The following PDLIM5 variants were observed in gnomAD, a reference collection of about 807,000 sequenced individuals.
PDLIM5 encodes the protein PDZ and LIM domain protein 5.
PDLIM5 carries 34 observed loss-of-function variants against 64.2 expected under a neutral mutation model. The ratio of observed to expected loss-of-function variants is 0.53; its 90% confidence interval spans 0.40 to 0.71. The LOEUF (loss-of-function observed/expected upper bound fraction) is 0.71. Ranked by LOEUF, PDLIM5 falls within the 30% of genes least tolerant of loss-of-function variation. PDLIM5 has a pLI of 0.00. For synonymous variants in PDLIM5, 253 were observed against 269.1 expected (o/e 0.94, Z 0.59); for missense variants, 683 against 733.6 (o/e 0.93, Z 0.80).
At chr4:94,591,665 A>C (rs904351547) in intron 7 of PDLIM5, among the ~76,000 whole-genome samples, 3 of 152,236 alleles carry the variant, frequency 2.0e-5, no homozygotes, top group African/African-American at 7.2e-5. Flanking sequence ...ACCAACTTGG[A>C]GGGACCATTC....
intron 2 of PDLIM5, among the ~76,000 whole-genome samples, chr4:94,521,045 C>T (rs1729781316): frequency 6.6e-6 from 1 of 152,116 alleles, no homozygotes; most frequent in African/African-American, 2.4e-5. Flanking sequence ...ATTCAAGGCT[C>T]TTGGAGAAGA....
chr4:94,559,740 A>G (rs754752256), intron 3 of PDLIM5, among the ~76,000 whole-genome samples: 1 of 152,194 alleles, frequency 6.6e-6, no homozygotes, highest in Non-Finnish European at 1.5e-5. Context: ...GGTGTGGTCT[A>G]TGAATGCAGC....
At chr4:94,468,151 C>T (rs144658911) in intron 2 of PDLIM5, among the ~76,000 whole-genome samples, 10 of 151,796 alleles carry the variant, frequency 6.6e-5, no homozygotes, top group African/African-American at 2.2e-4. Flanking sequence ...CACTTTTTTC[C>T]CTCTATGCAC....
chr4:94,582,776 T>A (rs374128949), intron 5 of PDLIM5: 21 of 1,294,686 alleles, frequency 1.6e-5, no homozygotes, highest in Non-Finnish European at 2.2e-5. Context: ...TCTCTGTAAC[T>A]TTCCTTCTTG....
chr4:94,506,309 T>A (rs1471052354), intron 2 of PDLIM5, among the ~76,000 whole-genome samples: 1 of 152,240 alleles, frequency 6.6e-6, no homozygotes, highest in Non-Finnish European at 1.5e-5. Context: ...GAATTGCACG[T>A]AATGTTCTTG....
chr4:94,552,544 T>C (rs1348860195), intron 3 of PDLIM5, among the ~76,000 whole-genome samples: 1 of 152,140 alleles, frequency 6.6e-6, no homozygotes, highest in Non-Finnish European at 1.5e-5. Context: ...AGAGGCTGCA[T>C]TAAAATTAAT....
intron 5 of PDLIM5, chr4:94,582,779 C>T: frequency 1.6e-6 from 2 of 1,253,648 alleles, no homozygotes; most frequent in Non-Finnish European, 1.2e-6. Context: ...CTGTAACTTT[C>T]CTTCTTGCTT....
At chr4:94,580,950 T>C (rs1307628763) in intron 5 of PDLIM5, among the ~76,000 whole-genome samples, 1 of 152,166 alleles carries the variant, frequency 6.6e-6, no homozygotes, top group Non-Finnish European at 1.5e-5. Flanking sequence ...TTCCCTTTTT[T>C]ATTTTGAGCG....
At chr4:94,586,648 T>G (rs966077397) in intron 7 of PDLIM5, among the ~76,000 whole-genome samples, 1 of 152,232 alleles carries the variant, frequency 6.6e-6, no homozygotes, top group Non-Finnish European at 1.5e-5. Flanking sequence ...TTTTAAGGCT[T>G]GTTTTCCCTA....
chr4:94,560,547 A>G (rs925282992), intron 3 of PDLIM5, among the ~76,000 whole-genome samples: 6 of 152,186 alleles, frequency 3.9e-5, no homozygotes, highest in Non-Finnish European at 8.8e-5. Flanking sequence ...CCTTGTTATT[A>G]CTGTTCCCAT....
At chr4:94,455,129 CTTAA>C (rs1242152257) in intron 1 of PDLIM5, 114 bp from the exon 2 acceptor site, 6 of 508,834 alleles carry the variant, frequency 1.2e-5, no homozygotes, top group South Asian at 3.9e-5. Context: ...TAATGAAGAA[CTTAA>C]TTAAGACTTA....
intron 2 of PDLIM5, among the ~76,000 whole-genome samples, chr4:94,480,357 A>G (rs1725742773): frequency 6.6e-6 from 1 of 152,260 alleles, no homozygotes; most frequent in African/African-American, 2.4e-5. Flanking sequence ...AGATGTTTTC[A>G]ACAGGAAATT....
At chr4:94,647,720 A>G (rs1170545401) in intron 9 of PDLIM5, among the ~76,000 whole-genome samples, 1 of 152,198 alleles carries the variant, frequency 6.6e-6, no homozygotes, top group African/African-American at 2.4e-5. Context: ...ATTCTTCTGA[A>G]GTGTATGTGG....
chr4:94,663,196 G>A (rs1444607664), intron 12 of PDLIM5, among the ~76,000 whole-genome samples: 2 of 152,128 alleles, frequency 1.3e-5, no homozygotes, highest in Admixed American at 1.3e-4. Flanking sequence ...CATATCTACA[G>A]TTTTCAATAC....
At chr4:94,562,337 T>C (rs1733920490) in intron 3 of PDLIM5, among the ~76,000 whole-genome samples, 2 of 152,184 alleles carry the variant, frequency 1.3e-5, no homozygotes, top group African/African-American at 4.8e-5. Context: ...TATATTTTAA[T>C]AGGTTCCACA....
At chr4:94,599,869 A>G (rs961810409) in intron 7 of PDLIM5, among the ~76,000 whole-genome samples, 1 of 152,194 alleles carries the variant, frequency 6.6e-6, no homozygotes, top group African/African-American at 2.4e-5. Flanking sequence ...CTCCATCTCC[A>G]GGTTTATAAG....
At chr4:94,651,994 A>G (rs1741879396) in intron 9 of PDLIM5, among the ~76,000 whole-genome samples, 1 of 152,188 alleles carries the variant, frequency 6.6e-6, no homozygotes, top group African/African-American at 2.4e-5. Flanking sequence ...ATCTGACTTG[A>G]ACTCAATACA....
At position 94,574,157 on chromosome 4, in the gene PDLIM5, T is replaced by G. The variant is rs566971177; in HGVS notation, c.291+764T>G. ...GATACTCAACCTGTATTGATTCGTG[T>G]GGGCACTAAGCTACTTATTTTTCTC... On this transcript the variant is annotated intron_variant, in intron 4 of 12. Transcript: ENST00000317968. Among the ~76,000 whole-genome samples, 316 of 152,320 alleles carry G rather than the reference T, an allele frequency of 2.1e-3. 1 individual carries two copies. The highest frequency in any genetic ancestry group is 3.7e-3 in the Non-Finnish European group (253 of 68,022).
At chr4:94,546,746 A>G (rs1271290819) in intron 3 of PDLIM5, among the ~76,000 whole-genome samples, 4 of 152,108 alleles carry the variant, frequency 2.6e-5, no homozygotes, top group African/African-American at 9.7e-5. Flanking sequence ...CACCAGGGAT[A>G]TTAAATTTTT....
Sources: gnomAD v4.1 joint callset for allele counts (sites outside exome capture counted in the v4.1 genomes callset) on GRCh38, gnomAD v4.1.1 for gene constraint, MANE v1.5 for transcripts, NCBI Gene and HGNC (gene_info 2026-07-23, HGNC 2026-07-21) for gene names.